The following SASH1 variants were observed in gnomAD, a reference collection of about 807,000 sequenced individuals.
SASH1 encodes SAM and SH3 domain-containing protein 1.
In SASH1, 44 loss-of-function variants were observed where a neutral mutation model predicts 125.2. The observed-to-expected ratio is 0.35, with a 90% CI of 0.28 to 0.45. The LOEUF (loss-of-function observed/expected upper bound fraction) is 0.45. Ranked by LOEUF, SASH1 falls within the 20% of genes least tolerant of loss-of-function variation. SASH1 has a pLI of 1.00. For missense variants in SASH1, 1,426 were observed against 1,614.5 expected (o/e 0.88, Z 2.00); for synonymous variants, 639 against 649.1 (o/e 0.98, Z 0.24).
intron 2 of SASH1, among the ~76,000 whole-genome samples, chr6:148,399,214 C>CTTTTTTTTTTTTTTTTTTTTT (rs371374910): frequency 1.3e-4 from 14 of 106,674 alleles, no homozygotes; most frequent in Non-Finnish European, 2.3e-4. Flanking sequence ...ATTTCAGCTT[C>CTTTTTTTTTTTTTTTTTTTTT]TTTTTTTTTT....
chr6:148,393,728 C>T, intron 2 of SASH1: 1 of 985,266 alleles, frequency 1.0e-6, no homozygotes, highest in South Asian at 4.7e-5. Flanking sequence ...GAGAAAACAC[C>T]ACATGAGCTT....
At chr6:148,534,284 A>G (rs1373175380) in intron 15 of SASH1, among the ~76,000 whole-genome samples, 1 of 152,196 alleles carries the variant, frequency 6.6e-6, no homozygotes, top group Non-Finnish European at 1.5e-5. Flanking sequence ...CACAGGGGCC[A>G]CAAGGAAACT....
intron 4 of SASH1, among the ~76,000 whole-genome samples, chr6:148,449,835 G>T (rs760384021): frequency 6.6e-6 from 1 of 152,188 alleles, no homozygotes; most frequent in African/African-American, 2.4e-5. Context: ...GTGAATATGT[G>T]TGAAGAGCCA....
chr6:148,279,342 G>C (rs1434614685), intron 1 of SASH1, among the ~76,000 whole-genome samples: 5 of 152,156 alleles, frequency 3.3e-5, no homozygotes, highest in Non-Finnish European at 7.4e-5. Context: ...CTACTTGGCA[G>C]GGTTATTGTG....
chr6:148,333,370 G>T lies in SASH1; in HGVS notation n.75-56764G>T, dbSNP rs1413371556. Among the ~76,000 whole-genome samples, 4 of 152,152 alleles carry T rather than the reference G, an allele frequency of 2.6e-5. No homozygotes were observed. In the East Asian group the frequency reaches 7.7e-4, roughly 29 times the overall value. On this transcript the variant is annotated intron_variant and non_coding_transcript_variant, in intron 1 of 3. Coordinates refer to the SASH1 transcript ENST00000367469. Reference sequence around the variant, plus strand: ...CAAGCCACTGCACTCCAGACTGGGTGACAGAGGGAGACCCTTTCTGAAACA... The same window carrying T: ...CAAGCCACTGCACTCCAGACTGGGTTACAGAGGGAGACCCTTTCTGAAACA...
At chr6:148,464,413 T>C (rs1008392251) in intron 4 of SASH1, among the ~76,000 whole-genome samples, 1 of 152,178 alleles carries the variant, frequency 6.6e-6, no homozygotes, top group Non-Finnish European at 1.5e-5. Context: ...TTACCATACT[T>C]TTTACCCATT....
chr6:148,369,966 C>CAAAAAAAAAAAAAAAAAAAAAAA (rs562924566), intron 1 of SASH1, among the ~76,000 whole-genome samples: 4 of 93,554 alleles, frequency 4.3e-5, no homozygotes, highest in Admixed American at 1.3e-4. Context: ...AAAAGAAAAA[C>CAAAAAAAAAAAAAAAAAAAAAAA]AAAAAAAAAA....
rs553146013 is a variant in SASH1 at position 148,373,178 on chromosome 6, C to T, written c.157-16956C>T. Among the ~76,000 whole-genome samples, 17 of 151,822 alleles carry T rather than the reference C, an allele frequency of 1.1e-4. No individual in the cohort carries two copies. In the South Asian group the frequency reaches 2.5e-3, roughly 22 times the overall value. On this transcript the variant is annotated intron_variant, in intron 1 of 19. Transcript: ENST00000367467. ...TGCACTCCAGCCTGGGCAACAAGAG[C>T]GAAACTCCGTCTCAAAAAAAAAGAA...
upstream of SASH1, among the ~76,000 whole-genome samples, chr6:148,342,050 G>T (rs891915027): frequency 2.6e-5 from 4 of 152,150 alleles, no homozygotes; most frequent in African/African-American, 9.7e-5. Flanking sequence ...ACAATCATTT[G>T]AATTTAGTTT....
At chr6:148,436,729 C>T (rs1010629320) in intron 2 of SASH1, among the ~76,000 whole-genome samples, 4 of 152,144 alleles carry the variant, frequency 2.6e-5, no homozygotes, top group South Asian at 2.1e-4. Flanking sequence ...TTGCATGTTC[C>T]CAGCTGAGGC....
chr6:148,382,635 C>A (rs1443141815), intron 1 of SASH1, among the ~76,000 whole-genome samples: 1 of 152,004 alleles, frequency 6.6e-6, no homozygotes, highest in African/African-American at 2.4e-5. Flanking sequence ...CATTTGGAGA[C>A]CTAGAAGCAG....
At chr6:148,202,504 G>A in the SASH1 span, among the ~76,000 whole-genome samples, 6 of 152,346 alleles carry the variant, frequency 3.9e-5, no homozygotes, top group South Asian at 1.0e-3. Context: ...GCTGCCGGGA[G>A]GCTGGAAAAC....
chr6:148,433,009 A>G (rs956777937), intron 2 of SASH1, among the ~76,000 whole-genome samples: 1 of 152,108 alleles, frequency 6.6e-6, no homozygotes, highest in African/African-American at 2.4e-5. Context: ...ACAGGTACAC[A>G]TTTGTTTCGG....
chr6:148,513,692 C>T (rs1010220315), intron 8 of SASH1: 2 of 985,526 alleles, frequency 2.0e-6, no homozygotes, highest in African/African-American at 1.7e-5. Flanking sequence ...TTTCCCTTGT[C>T]TCTCTTGGAG....
the SASH1 span, among the ~76,000 whole-genome samples, chr6:148,220,307 G>A: frequency 6.6e-5 from 10 of 152,230 alleles, no homozygotes; most frequent in South Asian, 2.1e-4. Flanking sequence ...GGGGATGAAC[G>A]CTGTGTGCTC....
At chr6:148,464,993 A>C (rs1262846592) in intron 4 of SASH1, among the ~76,000 whole-genome samples, 1 of 152,146 alleles carries the variant, frequency 6.6e-6, no homozygotes, top group Non-Finnish European at 1.5e-5. Context: ...CGGAGGATAA[A>C]ATTATTCAAA....
intron 2 of SASH1, among the ~76,000 whole-genome samples, chr6:148,395,928 G>A (rs1254317202): frequency 6.6e-6 from 1 of 152,154 alleles, no homozygotes; most frequent in African/African-American, 2.4e-5. Context: ...GAATCTGTGT[G>A]GGTATTGGCA....
chr6:148,317,728 G>T (rs1385965772), intron 1 of SASH1, among the ~76,000 whole-genome samples: 3 of 151,926 alleles, frequency 2.0e-5, no homozygotes, highest in African/African-American at 7.3e-5. Flanking sequence ...CCCGGCCAAG[G>T]AAAAAAATTT....
Position 148,509,076 on chromosome 6 carries a change from C to A in SASH1, c.730-5248C>A, listed in dbSNP as rs114038483. 4.7e-3 allele frequency among the ~76,000 whole-genome samples: 708 copies of A among 152,068 alleles called. 7 individuals are homozygous for A. Among genetic ancestry groups the A allele is most frequent in the African/African-American group, 0.016 (661 of 41,474 alleles). ...CCTGGCATTTTCACCAGTGAAAATG[C>A]GTAACTTTTAGAGAATAGTGAGTAT... On this transcript the variant is annotated intron_variant, in intron 8 of 19. Transcript: ENST00000367467.
Sources: gnomAD v4.1 joint callset for allele counts (sites outside exome capture counted in the v4.1 genomes callset) on GRCh38, gnomAD v4.1.1 for gene constraint, MANE v1.5 for transcripts, NCBI Gene and HGNC (gene_info 2026-07-23, HGNC 2026-07-21) for gene names.